Variants in CLDN10 observed in about 807,000 individuals in gnomAD.
CLDN10 encodes the protein claudin-10.
A neutral mutation model predicts 22.9 loss-of-function variants in CLDN10; 15 were observed. The ratio of observed to expected loss-of-function variants is 0.65; its 90% CI spans 0.44 to 1.01. The LOEUF (loss-of-function observed/expected upper bound fraction) is 1.01, where lower values mean the gene tolerates loss of function less well. Among genes scored for constraint, CLDN10 ranks in the 50% least tolerant of loss-of-function variants. The pLI, the probability that CLDN10 is intolerant of heterozygous loss-of-function variation, is 0.00. For synonymous variants in CLDN10, 114 were observed against 111.4 expected, an observed-to-expected ratio of 1.02 and a Z score of -0.15; for missense variants, 247 against 287.8, an observed-to-expected ratio of 0.86 and a Z score of 1.03.
chr13:95,527,431 T>A (rs35201733), intron 1 of CLDN10, among the ~76,000 whole-genome samples: 14,871 of 152,076 alleles, frequency 0.098, 915 homozygotes, highest in Middle Eastern at 0.12. Flanking sequence ...AATTCTGATA[T>A]AGAAAAAACA....
At chr13:95,488,529 C>A (rs1371374840) in intron 1 of CLDN10, among the ~76,000 whole-genome samples, 1 of 152,098 alleles carries the variant, frequency 6.6e-6, no homozygotes, top group Non-Finnish European at 1.5e-5. Context: ...CCACTCTTCC[C>A]CCCAAGTCCC....
chr13:95,436,083 C>A (rs2042267803), intron 1 of CLDN10, among the ~76,000 whole-genome samples: 1 of 152,136 alleles, frequency 6.6e-6, no homozygotes, highest in Non-Finnish European at 1.5e-5. Flanking sequence ...AACCATGGTA[C>A]CTTTTACATG....
intron 1 of CLDN10, among the ~76,000 whole-genome samples, chr13:95,555,349 T>C (rs2043623503): frequency 6.6e-6 from 1 of 152,198 alleles, no homozygotes; most frequent in African/African-American, 2.4e-5. Context: ...CGCCCAGCCA[T>C]CTTATCATTT....
exon 1 of CLDN10, chr13:95,433,758 G>C (rs1281939063): frequency 6.7e-7 from 1 of 1,488,198 alleles, no homozygotes; most frequent in African/African-American, 1.4e-5. Context: ...GCTTGTCAAA[G>C]TGTTCTCTAT....
At chr13:95,571,395 AC>A (rs1257115772) in intron 3 of CLDN10, among the ~76,000 whole-genome samples, 1 of 152,174 alleles carries the variant, frequency 6.6e-6, no homozygotes, top group Admixed American at 6.5e-5. Flanking sequence ...GACACTTATA[AC>A]TTAAATTTTT....
At chr13:95,498,945 C>G (rs968134644) in intron 1 of CLDN10, among the ~76,000 whole-genome samples, 3 of 152,222 alleles carry the variant, frequency 2.0e-5, no homozygotes, top group African/African-American at 7.2e-5. Flanking sequence ...TTTGATGACT[C>G]TTGATACCTC....
chr13:95,577,218 T>C lies in CLDN10; in HGVS notation c.465-13T>C, dbSNP rs759626987. 1.9e-6 allele frequency: 3 copies of C among 1,567,742 alleles called. No individual in the cohort carries two copies. Among genetic ancestry groups the C allele is most frequent in the Admixed American group, 1.7e-5 (1 of 59,916 alleles). ...TAAGTGAGCTGTAATACTTGTGTAA[T>C]GCTTTCTCACAGGTATGAATTAGGA... On this transcript the variant is annotated splice_polypyrimidine_tract_variant and intron_variant, in intron 3 of 4. Transcript: ENST00000299339.
At chr13:95,466,423 G>A (rs1266390092) in intron 1 of CLDN10, among the ~76,000 whole-genome samples, 2 of 152,170 alleles carry the variant, frequency 1.3e-5, no homozygotes, top group African/African-American at 2.4e-5. Context: ...CTGTTAAAGT[G>A]AGGCTGCCTG....
At chr13:95,573,425 C>T (rs889173277) in intron 3 of CLDN10, among the ~76,000 whole-genome samples, 1 of 152,152 alleles carries the variant, frequency 6.6e-6, no homozygotes, top group Non-Finnish European at 1.5e-5. Flanking sequence ...AGGGCACACT[C>T]TGAGCAGGAA....
At chr13:95,542,103 G>A (rs183281365) in intron 1 of CLDN10, among the ~76,000 whole-genome samples, 41 of 152,314 alleles carry the variant, frequency 2.7e-4, no homozygotes, top group Non-Finnish European at 4.4e-5. Context: ...GCAAGAGAGC[G>A]AGGTGGGAAG....
intron 1 of CLDN10, among the ~76,000 whole-genome samples, chr13:95,526,101 G>GT (rs1203204860): frequency 6.6e-6 from 1 of 151,754 alleles, no homozygotes; most frequent in African/African-American, 2.4e-5. Context: ...CTCAACTATG[G>GT]TTTTTTTAAT....
At chr13:95,538,645 T>C (rs541632449) in intron 1 of CLDN10, among the ~76,000 whole-genome samples, 2 of 152,326 alleles carry the variant, frequency 1.3e-5, no homozygotes, top group South Asian at 4.1e-4. Context: ...CCTCCTTTCC[T>C]GACCATAAGA....
chr13:95,478,707 A>C (rs2139111961), intron 1 of CLDN10, among the ~76,000 whole-genome samples: 1 of 152,248 alleles, frequency 6.6e-6, no homozygotes, highest in South Asian at 2.1e-4. Context: ...CCTAGTGGTG[A>C]CTTGCAGTAT....
At chr13:95,521,267 A>G (rs1253127095) in intron 1 of CLDN10, among the ~76,000 whole-genome samples, 1 of 152,230 alleles carries the variant, frequency 6.6e-6, no homozygotes, top group East Asian at 1.9e-4. Flanking sequence ...CCTGATTTCA[A>G]AAGAAAAACT....
intron 1 of CLDN10, among the ~76,000 whole-genome samples, chr13:95,483,808 A>C (rs1292611497): frequency 6.6e-6 from 1 of 152,156 alleles, no homozygotes; most frequent in Non-Finnish European, 1.5e-5. Context: ...TGAGTGTGCT[A>C]TGGTCTGAAT....
chr13:95,557,708 C>G (rs1331696915), intron 1 of CLDN10, among the ~76,000 whole-genome samples: 1 of 152,196 alleles, frequency 6.6e-6, no homozygotes, highest in Non-Finnish European at 1.5e-5. Context: ...CACTTCTCCT[C>G]TCATGCTTGT....
chr13:95,435,783 CTGTT>C (rs2042263550), intron 1 of CLDN10, among the ~76,000 whole-genome samples: 1 of 151,882 alleles, frequency 6.6e-6, no homozygotes, highest in Non-Finnish European at 1.5e-5. Context: ...TATGGTAAGT[CTGTT>C]TGTTTTTAAT....
In CLDN10 at chr13:95,541,782, C is replaced by T. The variant is rs1464224039; in HGVS notation, c.215-18350C>T. On this transcript the variant is annotated intron_variant, in intron 1 of 4. Transcript: ENST00000376873. ...AGTCCAGTGCTATTTCCATACATTGCACCCAAGTTTAATGATTAAGAACAA... is the reference window on the plus strand; with the variant it reads ...AGTCCAGTGCTATTTCCATACATTGTACCCAAGTTTAATGATTAAGAACAA... Among the ~76,000 whole-genome samples, 4 of 152,290 alleles carry T rather than the reference C, an allele frequency of 2.6e-5. No individual in the cohort carries two copies. The East Asian group carries it at 7.7e-4, about 29-fold the overall frequency.
chr13:95,433,902 C>T (rs748827025), exon 1 of CLDN10: 4 of 1,614,166 alleles, frequency 2.5e-6, no homozygotes, highest in Non-Finnish European at 3.4e-6. Context: ...TTGCTGCTAC[C>T]ACGTCCAATG....
Sources: allele counts gnomAD v4.1 joint callset (sites outside exome capture counted in the v4.1 genomes callset), GRCh38; gene constraint gnomAD v4.1.1; transcripts MANE v1.5; gene names NCBI Gene and HGNC (gene_info 2026-07-23, HGNC 2026-07-21).